Variants in PRKD3 observed in about 807,000 individuals in gnomAD.
PRKD3 encodes serine/threonine-protein kinase D3.
PRKD3 carries 47 observed loss-of-function variants against 99.2 expected under a neutral mutation model. The observed-to-expected ratio is 0.47, with a 90% CI of 0.38 to 0.60. PRKD3 has a LOEUF of 0.60. Ranked by LOEUF, PRKD3 falls within the 20% of genes least tolerant of loss-of-function variation. The pLI is 0.00. For missense variants in PRKD3, 1,019 were observed against 1,088.4 expected (o/e 0.94, Z 0.90); for synonymous variants, 392 against 355.4 (o/e 1.10, Z -1.16).
At chr2:37,320,552 C>T (rs1322440120) in intron 1 of PRKD3, among the ~76,000 whole-genome samples, 3 of 151,184 alleles carry the variant, frequency 2.0e-5, no homozygotes, top group African/African-American at 4.9e-5. Context: ...GTGCCTCAGC[C>T]GCCCCAGTAG....
intron 11 of PRKD3, among the ~76,000 whole-genome samples, chr2:37,273,213 G>A (rs577506686): frequency 1.3e-5 from 2 of 152,102 alleles, no homozygotes; most frequent in Admixed American, 1.3e-4. Context: ...TTTAAAGAGT[G>A]TGTAAGTGCC....
At chr2:37,257,666 CAAAAGAAAAAAAAAAAAAA>C (rs1317153064) in intron 16 of PRKD3, among the ~76,000 whole-genome samples, 4 of 62,402 alleles carry the variant, frequency 6.4e-5, no homozygotes, top group African/African-American at 1.5e-4. Context: ...GACTCTGTCT[CAAAAGAAAAAAAAAAAAAA>C]AAAAAAAAAG....
In PRKD3 at chr2:37,269,512, G is replaced by A. The variant is rs755923605; in HGVS notation, c.1777+103C>T. The A allele has an allele frequency of 1.2e-5, 11 of 952,680 alleles. No homozygotes were observed. In the African/African-American group the frequency reaches 1.8e-4, roughly 15 times the overall value. The allele number at this position is 952,680 out of a possible 1,614,324, so 59.0% of individuals were successfully genotyped here. A position where few individuals can be genotyped will look rare whatever the true frequency, so the allele number is the denominator to read the frequency against. On this transcript the variant is annotated intron_variant, in intron 13 of 18. Coordinates refer to ENST00000234179, the MANE Select transcript of PRKD3 (RefSeq NM_005813.6). ...TAACAAGTCAGCCTTTAAAAAAAAG[G>A]CACTGGACAAAACTATGAGATGACA...
rs772212484 is a variant in PRKD3 at position 37,282,581 on chromosome 2, C to G, written c.949G>C (p.Val317Leu). The G allele has an allele frequency of 6.2e-7, 1 of 1,603,546 alleles. No homozygotes were observed. Among genetic ancestry groups the G allele is most frequent in the Non-Finnish European group, 8.5e-7 (1 of 1,170,534 alleles). The change falls in exon 7 of 19, where the codon GTA (valine) becomes CTA (leucine). Residue 317 changes from valine (V) to leucine (L), a missense_variant. Val to Leu is a conservative substitution (Grantham distance 32). Around this residue, in one of 3 missense-constraint regions of PRKD3, gnomAD observed 710 missense variants for 692.7 expected, o/e 1.02. Transcript: ENST00000234179. Reference sequence around the variant, plus strand: ...ACCTCTCCAAGGCAGTCTCTTGGTACTTTTGATGCACAGCGTTTATGGCAG... The same window carrying G: ...ACCTCTCCAAGGCAGTCTCTTGGTAGTTTTGATGCACAGCGTTTATGGCAG... Reference protein sequence around the residue: ...FNCHKRCASKVPRDCLGEVTF... With the variant: ...FNCHKRCASKLPRDCLGEVTF...
chr2:37,276,841 C>CAT (rs1019886314), intron 9 of PRKD3, among the ~76,000 whole-genome samples: 5 of 148,146 alleles, frequency 3.4e-5, no homozygotes, highest in South Asian at 4.2e-4. Flanking sequence ...CATATATATA[C>CAT]ATATATATAA....
intron 12 of PRKD3, 44 bp from the exon 13 acceptor site, chr2:37,269,731 T>C (rs1414367672): frequency 1.5e-6 from 2 of 1,363,992 alleles, no homozygotes; most frequent in African/African-American, 1.4e-5. Flanking sequence ...ATTTCTATAA[T>C]ACAATGTCAA....
Position 37,293,145 on chromosome 2 carries a change from C to T in PRKD3, c.415G>A (p.Val139Met). The T allele has an allele frequency of 1.9e-6, 3 of 1,577,690 alleles. No homozygotes were observed. The highest frequency in any genetic ancestry group is 2.6e-6 in the Non-Finnish European group (3 of 1,151,602). ...DEIHEGDLVE[V>M]VLSALATVED... is the part of the protein sequence containing the mutation. ...GCCACTTACTTACCTGAAAGAACCA[C>T]TTCCACTAGGTCTCCTTCATGTATT... is the stretch of plus-strand genomic sequence containing the variant. The change falls in exon 3 of 19, where the codon GTG becomes ATG. Residue 139 changes from valine to methionine, a missense_variant. Transcript: ENST00000234179.
In PRKD3 at chr2:37,324,259, G is replaced by C. The variant is rs373505984; in HGVS notation, c.-656+422C>G. The C allele has an allele frequency of 7.2e-5, 71 of 984,990 alleles. 3 individuals carry two copies. The East Asian group carries it at 6.0e-3, about 84-fold the overall frequency. The allele number at this position is 984,990 out of a possible 1,614,324, so 61.0% of individuals were successfully genotyped here. A position where few individuals can be genotyped will look rare whatever the true frequency, so the allele number is the denominator to read the frequency against. ...AAACGAAAAAGCTGGTCCAAAATTC[G>C]GCACTGCGAGCGCCGCGGGTCTGGC... On this transcript the variant is annotated intron_variant, in intron 1 of 18. Coordinates refer to ENST00000234179, the MANE Select transcript of PRKD3 (RefSeq NM_005813.6).
intron 7 of PRKD3, 102 bp downstream of exon 7, chr2:37,282,440 A>T: frequency 1.3e-6 from 1 of 782,252 alleles, no homozygotes; most frequent in Non-Finnish European, 2.1e-6. Context: ...AATCTTTAAG[A>T]AACAAAATAA....
At chr2:37,271,281 C>A (rs532920623) in intron 12 of PRKD3, among the ~76,000 whole-genome samples, 1 of 152,166 alleles carries the variant, frequency 6.6e-6, no homozygotes, top group Non-Finnish European at 1.5e-5. Flanking sequence ...CAAAATCCAG[C>A]CTGTTGCCTC....
intron 2 of PRKD3, among the ~76,000 whole-genome samples, chr2:37,313,425 G>C (rs986894094): frequency 9.2e-5 from 14 of 151,422 alleles, no homozygotes; most frequent in Admixed American, 1.3e-4. Context: ...AGGCAGAAAA[G>C]GACCTGAGAA....
Position 37,260,395 on chromosome 2 carries a change from G to A in PRKD3, c.1885-11C>T. 2 of 1,605,250 alleles carry A rather than the reference G, an allele frequency of 1.2e-6. No homozygotes were observed. Among genetic ancestry groups the A allele is most frequent in the South Asian group, 2.2e-5 (2 of 90,860 alleles). On this transcript the variant is annotated splice_polypyrimidine_tract_variant and intron_variant, in intron 14 of 18. Transcript: ENST00000234179. ...AGGATGGTGCAAATTCTGAAGAGAG[G>A]TTGCAAGATACATGAGCAACTTAAG... is the stretch of plus-strand genomic sequence containing the variant.
Position 37,256,773 on chromosome 2 carries a change from C to A in PRKD3, c.2302G>T (p.Val768Leu), listed in dbSNP as rs1274796124. The change falls in exon 17 of 19, where the codon GTG becomes TTG. Residue 768 changes from valine (V) to leucine (L), a missense_variant. By Grantham distance (32) the Val-to-Leu change is conservative (BLOSUM62 1). Coordinates refer to ENST00000234179, the MANE Select transcript of PRKD3 (RefSeq NM_005813.6). Reference sequence around the variant, plus strand: ...AAAGGAAATGTGCCACTGAGGCTCACATAGATGATAACTCCCACTGACCAC... The same window carrying A: ...AAAGGAAATGTGCCACTGAGGCTCAAATAGATGATAACTCCCACTGACCAC... ...DMWSVGVIIY[V>L]SLSGTFPFNE... 1 of 1,612,824 alleles carries A rather than the reference C, an allele frequency of 6.2e-7. No homozygotes were observed.
intron 1 of PRKD3, among the ~76,000 whole-genome samples, chr2:37,320,670 G>A (rs1671846731): frequency 6.6e-6 from 1 of 152,010 alleles, no homozygotes; most frequent in Admixed American, 6.5e-5. Context: ...GACCTCAAGT[G>A]ATCCGCCCAT....
In PRKD3 at chr2:37,267,521, G is replaced by C; in HGVS notation, c.1793C>G (p.Thr598Ser). 1 of 1,605,400 alleles carries C rather than the reference G, an allele frequency of 6.2e-7. No individual in the cohort carries two copies. The highest frequency in any genetic ancestry group is 1.1e-5 in the South Asian group (1 of 89,544). Reference protein sequence around the residue: ...GIVYGGKHRKTGRDVAIKVID... With the variant: ...GIVYGGKHRKSGRDVAIKVID... ...TACTTTAATAGCCACATCCCTCCCA[G>C]TCTTTCTATGTTTTCCTATTAAGAA... The change falls in exon 14 of 19, where the codon ACT becomes AGT. Residue 598 changes from threonine to serine, a missense_variant. Transcript: ENST00000234179.
chr2:37,265,594 C>G (rs763676969), intron 14 of PRKD3, among the ~76,000 whole-genome samples: 9 of 152,176 alleles, frequency 5.9e-5, no homozygotes, highest in Non-Finnish European at 1.2e-4. Context: ...AACTCTGAAT[C>G]TGCCTTCCTG....
At chr2:37,277,388 A>G (rs1160241920) in intron 9 of PRKD3, among the ~76,000 whole-genome samples, 2 of 152,182 alleles carry the variant, frequency 1.3e-5, no homozygotes, top group African/African-American at 2.4e-5. Context: ...CTTAGTTATT[A>G]CACTACGCTG....
At chr2:37,288,278 C>T (rs2268988) in intron 5 of PRKD3, among the ~76,000 whole-genome samples, 7,968 of 152,154 alleles carry the variant, frequency 0.052, 738 homozygotes, top group East Asian at 0.35. Context: ...CTAATCTTTT[C>T]CAGGCTCTTC....
chr2:37,255,074 T>C (rs937166390), intron 17 of PRKD3, among the ~76,000 whole-genome samples: 1 of 152,170 alleles, frequency 6.6e-6, no homozygotes, highest in Non-Finnish European at 1.5e-5. Flanking sequence ...TTCTATTTCT[T>C]GTCTCTATAC....
Sources: allele counts gnomAD v4.1 joint callset (sites outside exome capture counted in the v4.1 genomes callset), GRCh38; gene constraint gnomAD v4.1.1; regional missense constraint gnomAD v4.1.1; transcripts MANE v1.5; gene names NCBI Gene and HGNC (gene_info 2026-07-23, HGNC 2026-07-21).